ACTR3: variants seen among roughly 807,000 people sequenced by gnomAD.
ACTR3 encodes the protein actin-related protein 3.
In ACTR3, 12 loss-of-function variants were observed where a neutral mutation model predicts 56.8. That is an observed-to-expected ratio of 0.21 (90% CI 0.14 to 0.34). ACTR3 has a LOEUF of 0.34. ACTR3 is among the 10% of genes least tolerant of loss of function. The pLI is 1.00. For synonymous variants in ACTR3, 162 were observed against 167.4 expected (o/e 0.97, Z 0.25); for missense variants, 282 against 512.5 (o/e 0.55, Z 4.34).
At chr2:113,949,819 T>C (rs1210654791) in intron 8 of ACTR3, among the ~76,000 whole-genome samples, 1 of 152,206 alleles carries the variant, frequency 6.6e-6, no homozygotes, top group East Asian at 1.9e-4. Context: ...TGCCTTGGCC[T>C]CCCAAAGCAC....
At chr2:113,914,668 G>A (rs1325561309) in intron 2 of ACTR3, among the ~76,000 whole-genome samples, 9 of 150,366 alleles carry the variant, frequency 6.0e-5, no homozygotes, top group Non-Finnish European at 1.3e-4. Context: ...TTTCAAAATT[G>A]CACCTAAAAG....
chr2:113,928,862 T>C (rs2104606929), intron 4 of ACTR3, among the ~76,000 whole-genome samples: 1 of 152,344 alleles, frequency 6.6e-6, no homozygotes, highest in Non-Finnish European at 1.5e-5. Context: ...TCTCATGCCC[T>C]TTTGTAATTA....
chr2:113,921,679 G>C (rs1455778663), intron 3 of ACTR3, among the ~76,000 whole-genome samples: 6 of 152,146 alleles, frequency 3.9e-5, no homozygotes, highest in African/African-American at 1.4e-4. Context: ...GTTTCATAAG[G>C]AGAAACACTT....
intron 3 of ACTR3, among the ~76,000 whole-genome samples, chr2:113,926,821 A>T (rs564794541): frequency 3.9e-5 from 6 of 152,358 alleles, no homozygotes; most frequent in African/African-American, 1.4e-4. Context: ...GTATCTTAGC[A>T]CACAGTTTTG....
chr2:113,961,573 C>T lies in ACTR3; in HGVS notation c.*4118C>T, dbSNP rs1421620497. On this transcript the variant is annotated 3_prime_UTR_variant, in exon 12 of 12. Transcript: ENST00000263238. ...ATTAAAATAAAGTTTCTCTTTTATT[C>T]AAGCACCAACATTCACTTATATTAC... 6.6e-6 allele frequency: 1 copy of T among 151,916 alleles called. No individual in the cohort carries two copies. The highest frequency in any genetic ancestry group is 1.5e-5 in the Non-Finnish European group (1 of 67,862). 9.4% of individuals were successfully genotyped at this position (151,916 alleles called of 1,614,324 possible). A position where few individuals can be genotyped will look rare whatever the true frequency, so the allele number is the denominator to read the frequency against.
At chr2:113,902,862 G>A (rs1679127417) in intron 1 of ACTR3, among the ~76,000 whole-genome samples, 3 of 152,202 alleles carry the variant, frequency 2.0e-5, no homozygotes, top group Admixed American at 6.5e-5. Flanking sequence ...GCCTCCCAAA[G>A]TGCTGGGATT....
At chr2:113,895,934 C>T (rs1264173001) in intron 1 of ACTR3, among the ~76,000 whole-genome samples, 1 of 152,174 alleles carries the variant, frequency 6.6e-6, no homozygotes, top group Non-Finnish European at 1.5e-5. Context: ...TCATGGCTCA[C>T]TGCATCCTCA....
chr2:113,956,917 A>G (rs1160818809), intron 11 of ACTR3, among the ~76,000 whole-genome samples: 1 of 152,232 alleles, frequency 6.6e-6, no homozygotes, highest in Non-Finnish European at 1.5e-5. Context: ...CAGACCTTGA[A>G]TGAGGAAGGC....
At chr2:113,903,512 T>G (rs1008488917) in intron 1 of ACTR3, among the ~76,000 whole-genome samples, 4 of 151,762 alleles carry the variant, frequency 2.6e-5, no homozygotes, top group African/African-American at 9.7e-5. Flanking sequence ...ATTACAGGCT[T>G]ACACCACCAT....
chr2:113,907,823 T>C (rs1679223739), intron 1 of ACTR3, among the ~76,000 whole-genome samples: 1 of 151,424 alleles, frequency 6.6e-6, no homozygotes, highest in Non-Finnish European at 1.5e-5. Flanking sequence ...AAATACAAAA[T>C]TGGCCAGGCA....
At chr2:113,895,066 C>A (rs902415875) in intron 1 of ACTR3, among the ~76,000 whole-genome samples, 1 of 105,800 alleles carries the variant, frequency 9.5e-6, no homozygotes, top group African/African-American at 3.7e-5. Context: ...GGTTCCCCCC[C>A]CCCACCCCCC....
In ACTR3 at chr2:113,951,806, G is replaced by C. The variant is rs752224979; in HGVS notation, c.1038G>C (p.Arg346=). ...QRDLKRTVDA[R]LKLSEELSGG... Reference sequence around the variant, plus strand: ...ATTTGAAAAGAACTGTAGATGCCCGGCTGAAATTAAGTGAGGAATTGAGTG... The same window carrying C: ...ATTTGAAAAGAACTGTAGATGCCCGCCTGAAATTAAGTGAGGAATTGAGTG... Residue 346 remains arginine, a synonymous_variant, in exon 10 of 12, where the codon CGG becomes CGC. Transcript: ENST00000263238. 1.1e-5 allele frequency: 18 copies of C among 1,613,416 alleles called. No homozygotes were observed. In the Admixed American group the frequency reaches 1.2e-4, roughly 10 times the overall value.
intron 3 of ACTR3, among the ~76,000 whole-genome samples, chr2:113,919,359 C>T (rs1350745302): frequency 6.6e-6 from 1 of 151,438 alleles, no homozygotes; most frequent in Non-Finnish European, 1.5e-5. Flanking sequence ...GGTTATTTTC[C>T]CTGTGTGTTA....
chr2:113,945,226 A>G (rs540723968), intron 8 of ACTR3, among the ~76,000 whole-genome samples: 2 of 152,314 alleles, frequency 1.3e-5, no homozygotes, highest in African/African-American at 4.8e-5. Context: ...GTATACACAC[A>G]ATTTTAAAGG....
At chr2:113,956,782 A>G (rs969728330) in intron 11 of ACTR3, among the ~76,000 whole-genome samples, 2 of 152,216 alleles carry the variant, frequency 1.3e-5, no homozygotes, top group African/African-American at 2.4e-5. Context: ...CATTTCCAAC[A>G]TAAGAGGTGA....
At chr2:113,933,192 T>A (rs1336244370) in intron 5 of ACTR3, among the ~76,000 whole-genome samples, 1 of 152,118 alleles carries the variant, frequency 6.6e-6, no homozygotes, top group Non-Finnish European at 1.5e-5. Context: ...TGTCATATAG[T>A]CCTAAACACA....
chr2:113,934,198 GTTT>G, intron 5 of ACTR3, 78 bp from the exon 6 acceptor site: 1 of 623,720 alleles, frequency 1.6e-6, no homozygotes, highest in Non-Finnish European at 2.5e-6. Context: ...CAGGGAACTA[GTTT>G]TTTTTTTTTC....
chr2:113,949,256 T>C (rs1424714901), intron 8 of ACTR3, among the ~76,000 whole-genome samples: 1 of 151,006 alleles, frequency 6.6e-6, no homozygotes, highest in African/African-American at 2.4e-5. Context: ...CGGACGCTTG[T>C]AATCCCAGCT....
chr2:113,905,598 A>G (rs1679178240), intron 1 of ACTR3, among the ~76,000 whole-genome samples: 1 of 152,172 alleles, frequency 6.6e-6, no homozygotes, highest in Admixed American at 6.5e-5. Context: ...TCCATGATCC[A>G]TAACTTTTTT....
Sources: gnomAD v4.1 joint callset for allele counts (sites outside exome capture counted in the v4.1 genomes callset) on GRCh38, gnomAD v4.1.1 for gene constraint, MANE v1.5 for transcripts, NCBI Gene and HGNC (gene_info 2026-07-23, HGNC 2026-07-21) for gene names.